LRRC4B: variants seen among roughly 807,000 people sequenced by gnomAD.
LRRC4B encodes leucine rich repeat containing 4B.
In LRRC4B, 1 loss-of-function variant was observed where a neutral mutation model predicts 7.3. The ratio of observed to expected loss-of-function variants is 0.14; its 90% CI spans 0.05 to 0.65. The LOEUF (loss-of-function observed/expected upper bound fraction) is 0.65, where lower values mean the gene tolerates loss of function less well. LRRC4B is among the 30% of genes least tolerant of loss of function. The pLI, the probability that LRRC4B is intolerant of heterozygous loss-of-function variation, is 0.84. For missense variants in LRRC4B, 730 were observed against 1,041.6 expected (o/e 0.70, Z 4.12); for synonymous variants, 500 against 499.2 (o/e 1.00, Z -0.02).
At chr19:50,560,721 A>G (rs1982434083) in intron 1 of LRRC4B, among the ~76,000 whole-genome samples, 1 of 152,190 alleles carries the variant, frequency 6.6e-6, no homozygotes, top group Admixed American at 6.5e-5. Context: ...AATGACACCT[A>G]TTAATAGCTT....
Position 50,519,502 on chromosome 19 carries a change from G to T in LRRC4B, c.298-87C>A. On this transcript the variant is annotated intron_variant, in intron 2 of 2. Coordinates refer to ENST00000652263, the MANE Select transcript of LRRC4B (RefSeq NM_001080457.2). This position sits in a 1 kb window ranked among gnomAD's most constrained non-coding sequence, Gnocchi z 8.1. ...CAAGGTCCCGGGCGCAGGTGGGGCC[G>T]TGTGGCTGGATCTCCCGTGCTGTGC... 6 of 1,452,634 alleles carry T rather than the reference G, an allele frequency of 4.1e-6. No individual in the cohort carries two copies. The highest frequency in any genetic ancestry group is 4.5e-6 in the Non-Finnish European group (5 of 1,106,248). The allele number at this position is 1,452,634 out of a possible 1,614,324, so 90.0% of individuals were successfully genotyped here.
In LRRC4B at chr19:50,519,465, T is replaced by A. The variant is rs757601383; in HGVS notation, c.298-50A>T. ...GTCACGGAGATACTGACGGGGACCG[T>A]GGGGGGATCACCAAGGTCCCGGGCG... is the stretch of plus-strand genomic sequence containing the variant. On this transcript the variant is annotated intron_variant, in intron 2 of 2. Coordinates refer to ENST00000652263, the MANE Select transcript of LRRC4B (RefSeq NM_001080457.2). This position sits in a 1 kb window ranked among gnomAD's most constrained non-coding sequence, Gnocchi z 8.1. 1.6e-5 allele frequency: 24 copies of A among 1,485,760 alleles called. No individual in the cohort carries two copies. The highest frequency in any genetic ancestry group is 2.1e-5 in the Non-Finnish European group (23 of 1,120,804). The allele number at this position is 1,485,760 out of a possible 1,614,324, so 92.0% of individuals were successfully genotyped here. A position where few individuals can be genotyped will look rare whatever the true frequency, so the allele number is the denominator to read the frequency against.
chr19:50,525,889 C>T (rs962266332), intron 2 of LRRC4B, among the ~76,000 whole-genome samples: 28 of 152,202 alleles, frequency 1.8e-4, no homozygotes, highest in African/African-American at 1.4e-4. Context: ...TTAGGCAGGG[C>T]GCATGCCTGT....
intron 2 of LRRC4B, among the ~76,000 whole-genome samples, chr19:50,521,203 G>A (rs984860620): frequency 2.6e-5 from 4 of 152,082 alleles, no homozygotes; most frequent in African/African-American, 4.8e-5. Context: ...GAGCCGGTGC[G>A]GTGGATCCGT....
chr19:50,523,968 A>C (rs1451662512), intron 2 of LRRC4B, among the ~76,000 whole-genome samples: 1 of 152,026 alleles, frequency 6.6e-6, no homozygotes, highest in Admixed American at 6.6e-5. Context: ...AAAAAAAAAA[A>C]AAAACTGGAA....
chr19:50,525,303 C>CATTGTT (rs1364565161), intron 2 of LRRC4B, among the ~76,000 whole-genome samples: 1 of 152,072 alleles, frequency 6.6e-6, no homozygotes, highest in Non-Finnish European at 1.5e-5. Flanking sequence ...TCGTCATTCT[C>CATTGTT]ATTGTTATCG....
chr19:50,530,933 G>GT (rs1039920957), intron 2 of LRRC4B, among the ~76,000 whole-genome samples: 1 of 150,742 alleles, frequency 6.6e-6, no homozygotes, highest in African/African-American at 2.4e-5. Flanking sequence ...AAACCTGGGG[G>GT]GGGGGGGTCT....
At position 50,553,513 on chromosome 19, in the gene LRRC4B, G is replaced by A. The variant is rs765567703; in HGVS notation, c.-35-4640C>T. On this transcript the variant is annotated intron_variant, in intron 1 of 2. Coordinates refer to ENST00000652263, the MANE Select transcript of LRRC4B (RefSeq NM_001080457.2). The surrounding 1 kb of genome is among the most constrained non-coding windows in gnomAD (Gnocchi z 4.2). ...CCCTTTTCCTGGAATGCTCTTTGCCGGTTGTCCACAGGGCTCTTGCCCTGC... is the reference window on the plus strand; with the variant it reads ...CCCTTTTCCTGGAATGCTCTTTGCCAGTTGTCCACAGGGCTCTTGCCCTGC... Among the ~76,000 whole-genome samples the A allele has an allele frequency of 1.1e-4, 16 of 152,154 alleles. No homozygotes were observed. The highest frequency in any genetic ancestry group is 5.8e-4 in the East Asian group (3 of 5,188).
At chr19:50,532,694 C>T (rs1485883417) in intron 2 of LRRC4B, among the ~76,000 whole-genome samples, 1 of 152,206 alleles carries the variant, frequency 6.6e-6, no homozygotes, top group Non-Finnish European at 1.5e-5. Flanking sequence ...TGGTTTCACA[C>T]GTCTGTCTCC....
In LRRC4B at chr19:50,519,768, G is replaced by A. The variant is rs567606581; in HGVS notation, c.298-353C>T. 6.6e-6 allele frequency among the ~76,000 whole-genome samples: 1 copy of A among 152,278 alleles called. No individual in the cohort carries two copies. Among genetic ancestry groups the A allele is most frequent in the African/African-American group, 2.4e-5 (1 of 41,552 alleles). On this transcript the variant is annotated intron_variant, in intron 2 of 2. Transcript: ENST00000652263. This position sits in a 1 kb window ranked among gnomAD's most constrained non-coding sequence, Gnocchi z 8.1. ...GGTGCGTGTAATCCCAGCTACTCGG[G>A]AGGCTGAGGCACGAGAATCACTTGA... is the stretch of plus-strand genomic sequence containing the variant.
intron 2 of LRRC4B, among the ~76,000 whole-genome samples, chr19:50,520,447 T>C (rs1980528131): frequency 6.7e-6 from 1 of 149,378 alleles, no homozygotes; most frequent in Non-Finnish European, 1.5e-5. Flanking sequence ...CTGGCCAACA[T>C]GGTGAAACCC....
chr19:50,535,156 C>G (rs1183607605), intron 2 of LRRC4B, among the ~76,000 whole-genome samples: 1 of 151,890 alleles, frequency 6.6e-6, no homozygotes, highest in Non-Finnish European at 1.5e-5. Context: ...GCGTGACCCA[C>G]CACGCCCGGC....
intron 2 of LRRC4B, among the ~76,000 whole-genome samples, chr19:50,544,548 A>G (rs1568729118): frequency 2.0e-5 from 3 of 151,856 alleles, no homozygotes; most frequent in Non-Finnish European, 4.4e-5. Flanking sequence ...AAATAAAAAA[A>G]TAAAAAAGCT....
chr19:50,548,572 C>T lies in LRRC4B; in HGVS notation c.267G>A (p.Arg89=). ...EVPASIPVNT[R]YLNLQENGIQ... is the part of the protein sequence containing the mutation. ...TGCCGTTCTCTTGCAGGTTCAGGTA[C>T]CGCGTGTTGACCGGGATGCTGGCTG... is the stretch of plus-strand genomic sequence containing the variant. The change falls in exon 2 of 3, where the codon CGG becomes CGA. Residue 89 remains arginine (R), a synonymous_variant. Transcript: ENST00000652263. This position sits in a 1 kb window ranked among gnomAD's most constrained non-coding sequence, Gnocchi z 6.8. The T allele has an allele frequency of 6.2e-7, 1 of 1,601,618 alleles. No individual in the cohort carries two copies.
chr19:50,523,375 A>T (rs1025876657), intron 2 of LRRC4B, among the ~76,000 whole-genome samples: 1 of 152,184 alleles, frequency 6.6e-6, no homozygotes, highest in African/African-American at 2.4e-5. Flanking sequence ...TATATGCACC[A>T]AAAGAAAAAA....
At chr19:50,536,413 G>A (rs776863245) in intron 2 of LRRC4B, among the ~76,000 whole-genome samples, 1 of 152,312 alleles carries the variant, frequency 6.6e-6, no homozygotes, top group African/African-American at 2.4e-5. Context: ...GATTACAGGC[G>A]TGAGCCACTG....
At chr19:50,529,395 A>G (rs1160741286) in intron 2 of LRRC4B, among the ~76,000 whole-genome samples, 1 of 152,170 alleles carries the variant, frequency 6.6e-6, no homozygotes. Context: ...TTGATAAAGC[A>G]GGCACTCGGT....
At chr19:50,561,313 G>A (rs1982454306) in intron 1 of LRRC4B, among the ~76,000 whole-genome samples, 1 of 152,200 alleles carries the variant, frequency 6.6e-6, no homozygotes, top group East Asian at 1.9e-4. Flanking sequence ...CAACCCCCAC[G>A]TCGGTGAGGG....
chr19:50,551,716 C>T (rs1401484018), intron 1 of LRRC4B, among the ~76,000 whole-genome samples: 1 of 151,106 alleles, frequency 6.6e-6, no homozygotes, highest in East Asian at 2.0e-4. Flanking sequence ...CTCTCATCGG[C>T]CCTGAGCCCG....
Sources: allele counts gnomAD v4.1 joint callset (sites outside exome capture counted in the v4.1 genomes callset), GRCh38; gene constraint gnomAD v4.1.1; non-coding constraint Gnocchi (gnomAD v3.1); transcripts MANE v1.5; gene names NCBI Gene and HGNC (gene_info 2026-07-23, HGNC 2026-07-21).